Variants in EHBP1 observed in about 807,000 individuals in gnomAD.
EHBP1 encodes EH domain-binding protein 1.
EHBP1 carries 55 observed loss-of-function variants against 144.0 expected under a neutral mutation model. The ratio of observed to expected loss-of-function variants is 0.38; its 90% CI spans 0.31 to 0.48. The LOEUF (loss-of-function observed/expected upper bound fraction) is 0.48, where lower values mean the gene tolerates loss of function less well. Among genes scored for constraint, EHBP1 ranks in the 20% least tolerant of loss-of-function variants. The pLI is 0.98. For missense variants in EHBP1, 1,200 were observed against 1,364.2 expected (o/e 0.88, Z 1.90); for synonymous variants, 469 against 472.7 (o/e 0.99, Z 0.10).
intron 3 of EHBP1, among the ~76,000 whole-genome samples, chr2:62,762,695 C>G (rs2040857541): frequency 6.6e-6 from 1 of 152,158 alleles, no homozygotes. Flanking sequence ...AATCTGGCTC[C>G]TTTGTACCAC....
chr2:62,984,972 G>A (rs1366632362), intron 15 of EHBP1, among the ~76,000 whole-genome samples: 2 of 151,764 alleles, frequency 1.3e-5, no homozygotes, highest in Non-Finnish European at 2.9e-5. Flanking sequence ...TTTTTTCATG[G>A]CAATGCCATC....
chr2:62,685,054 AG>A (rs772430345), intron 1 of EHBP1, among the ~76,000 whole-genome samples: 10 of 152,300 alleles, frequency 6.6e-5, no homozygotes, highest in Non-Finnish European at 1.5e-4. Context: ...CAAAGGGTAA[AG>A]AACTGTTAGA....
chr2:62,754,582 C>T (rs977826879), intron 3 of EHBP1, among the ~76,000 whole-genome samples: 3 of 152,234 alleles, frequency 2.0e-5, no homozygotes, highest in Non-Finnish European at 4.4e-5. Context: ...TATGCCCTGC[C>T]TCCAGAGGTG....
chr2:62,820,205 C>T (rs1404778500), intron 5 of EHBP1, among the ~76,000 whole-genome samples: 3 of 114,672 alleles, frequency 2.6e-5, no homozygotes, highest in African/African-American at 9.5e-5. Flanking sequence ...GAGTGAAACT[C>T]TTGTCTCAAA....
rs2053155462 is a variant in EHBP1 at position 62,898,774 on chromosome 2, G to A, written c.1185+24242G>A. ...AGAAGGAAGGAAGGAAAAGAGAGAA[G>A]GAAGAGGGGAGAAAAGAGGATCGGA... On this transcript the variant is annotated intron_variant, in intron 10 of 22. Coordinates refer to ENST00000431489, the MANE Select transcript of EHBP1 (RefSeq NM_001142616.3). 2.6e-5 allele frequency among the ~76,000 whole-genome samples: 4 copies of A among 152,152 alleles called. No homozygotes were observed. The South Asian group carries it at 8.3e-4, about 32-fold the overall frequency.
At chr2:62,729,297 A>G (rs1355984594) in intron 2 of EHBP1, among the ~76,000 whole-genome samples, 1 of 132,618 alleles carries the variant, frequency 7.5e-6, no homozygotes, top group African/African-American at 2.8e-5. Context: ...CACATATAAT[A>G]TTTTATAATA....
intron 5 of EHBP1, among the ~76,000 whole-genome samples, chr2:62,785,010 A>C (rs535393344): frequency 1.3e-5 from 2 of 152,308 alleles, no homozygotes; most frequent in African/African-American, 4.8e-5. Context: ...ATTTTTAAAT[A>C]ATCAGTTTTT....
chr2:63,029,671 T>A (rs1464974207), intron 19 of EHBP1, among the ~76,000 whole-genome samples: 1 of 151,498 alleles, frequency 6.6e-6, no homozygotes, highest in Non-Finnish European at 1.5e-5. Context: ...GTTTAGAGAG[T>A]TTCAATAATT....
At chr2:63,013,025 T>A (rs1047353971) in intron 19 of EHBP1, among the ~76,000 whole-genome samples, 2 of 151,404 alleles carry the variant, frequency 1.3e-5, no homozygotes, top group African/African-American at 4.9e-5. Flanking sequence ...ATCAAACGAG[T>A]AGGGTAATAA....
chr2:62,788,754 A>T (rs544934979), intron 5 of EHBP1, among the ~76,000 whole-genome samples: 1 of 152,296 alleles, frequency 6.6e-6, no homozygotes, highest in South Asian at 2.1e-4. Context: ...ACAGAAACCT[A>T]TATTTAATTT....
chr2:62,687,332 A>G (rs1282223048), intron 1 of EHBP1, among the ~76,000 whole-genome samples: 1 of 152,202 alleles, frequency 6.6e-6, no homozygotes, highest in East Asian at 1.9e-4. Context: ...CTTCGTTTTG[A>G]ATATTGGAAA....
At chr2:62,686,378 CAG>C (rs370331392) in intron 1 of EHBP1, among the ~76,000 whole-genome samples, 113 of 152,292 alleles carry the variant, frequency 7.4e-4, no homozygotes, top group South Asian at 5.4e-3. Context: ...CCAAGTCTTG[CAG>C]AGAGTGGTGT....
upstream of EHBP1, among the ~76,000 whole-genome samples, chr2:62,701,102 T>C (rs2034268283): frequency 6.6e-6 from 1 of 152,154 alleles, no homozygotes; most frequent in Non-Finnish European, 1.5e-5. Context: ...GTCTTTCCCT[T>C]CCAGCCCAGG....
chr2:62,677,327 A>G (rs920680996), intron 1 of EHBP1, among the ~76,000 whole-genome samples: 11 of 152,186 alleles, frequency 7.2e-5, no homozygotes, highest in South Asian at 4.1e-4. Context: ...CCCCCCAAGC[A>G]TGTTGGTTTT....
chr2:62,934,349 A>G (rs1396387679), intron 10 of EHBP1, among the ~76,000 whole-genome samples: 1 of 152,210 alleles, frequency 6.6e-6, no homozygotes, highest in Middle Eastern at 3.2e-3. Context: ...TTTCACATTT[A>G]CTGAATATTT....
At chr2:62,783,198 G>A (rs1362673770) in intron 5 of EHBP1, among the ~76,000 whole-genome samples, 1 of 152,232 alleles carries the variant, frequency 6.6e-6, no homozygotes, top group Non-Finnish European at 1.5e-5. Context: ...GACTTGGGCA[G>A]CTCCACCTCT....
intron 13 of EHBP1, 39 bp downstream of exon 13, chr2:62,949,201 T>G (rs759846328): frequency 6.8e-7 from 1 of 1,460,504 alleles, no homozygotes. Flanking sequence ...ATTTAGTAAT[T>G]AGTTATTCTC....
chr2:63,006,957 A>G (rs2060063372), intron 19 of EHBP1, among the ~76,000 whole-genome samples: 2 of 151,908 alleles, frequency 1.3e-5, no homozygotes, highest in Non-Finnish European at 1.5e-5. Context: ...CGTGAGTAGC[A>G]TAGAATACAT....
intron 5 of EHBP1, among the ~76,000 whole-genome samples, chr2:62,815,934 G>A (rs1227243272): frequency 1.3e-5 from 2 of 152,168 alleles, no homozygotes; most frequent in Non-Finnish European, 2.9e-5. Context: ...GATTCATTCA[G>A]TATGCATGAT....
Sources: allele counts gnomAD v4.1 joint callset (sites outside exome capture counted in the v4.1 genomes callset), GRCh38; gene constraint gnomAD v4.1.1; transcripts MANE v1.5; gene names NCBI Gene and HGNC (gene_info 2026-07-23, HGNC 2026-07-21).